The following NXPE2 variants were observed in gnomAD, a reference collection of about 807,000 sequenced individuals.
NXPE2 encodes the protein NXPE family member 2.
A neutral mutation model predicts 34.4 loss-of-function variants in NXPE2; 34 were observed. The observed-to-expected ratio is 0.99, with a 90% CI of 0.75 to 1.31. The LOEUF (loss-of-function observed/expected upper bound fraction) is 1.31, where lower values mean the gene tolerates loss of function less well. Among genes scored for constraint, NXPE2 ranks in the 40% most tolerant of loss-of-function variants. The pLI, the probability that NXPE2 is intolerant of heterozygous loss-of-function variation, is 0.00. For missense variants in NXPE2, 649 were observed against 672.5 expected (o/e 0.97, Z 0.39); for synonymous variants, 235 against 231.3 (o/e 1.02, Z -0.15).
At chr11:114,796,494 G>T in the NXPE2 span, among the ~76,000 whole-genome samples, 1 of 152,150 alleles carries the variant, frequency 6.6e-6, no homozygotes, top group East Asian at 1.9e-4. Context: ...CTGAGATAAA[G>T]TGGTTAACTG....
At chr11:114,762,993 G>GT in the NXPE2 span, among the ~76,000 whole-genome samples, 1 of 151,980 alleles carries the variant, frequency 6.6e-6, no homozygotes, top group Non-Finnish European at 1.5e-5. Flanking sequence ...CTCCTGACTG[G>GT]TTTTCCTGCT....
chr11:114,614,731 C>G, the NXPE2 span, among the ~76,000 whole-genome samples: 1 of 146,240 alleles, frequency 6.8e-6, no homozygotes, highest in African/African-American at 2.5e-5. Flanking sequence ...TTGCCTCCTG[C>G]GTAACCAGTG....
At chr11:114,536,544 TAAA>T in the NXPE2 span, among the ~76,000 whole-genome samples, 4 of 151,468 alleles carry the variant, frequency 2.6e-5, no homozygotes, top group Non-Finnish European at 4.4e-5. Flanking sequence ...GCAAGACTAA[TAAA>T]GAAGAAAAGA....
chr11:114,561,115 A>T, the NXPE2 span, among the ~76,000 whole-genome samples: 1 of 152,226 alleles, frequency 6.6e-6, no homozygotes, highest in Admixed American at 6.5e-5. Flanking sequence ...CTGGATGCCC[A>T]GACCCTGTGC....
At chr11:114,680,911 ACC>A (rs1346238187) in intron 2 of NXPE2, among the ~76,000 whole-genome samples, 1 of 152,122 alleles carries the variant, frequency 6.6e-6, no homozygotes, top group African/African-American at 2.4e-5. Flanking sequence ...AAACACACAC[ACC>A]AAATTTATCA....
At chr11:114,536,427 A>G in the NXPE2 span, among the ~76,000 whole-genome samples, 4 of 152,372 alleles carry the variant, frequency 2.6e-5, no homozygotes, top group South Asian at 6.2e-4. Context: ...AGAAATAACT[A>G]AGATCAGAGC....
At chr11:114,772,168 A>G in the NXPE2 span, among the ~76,000 whole-genome samples, 23 of 152,234 alleles carry the variant, frequency 1.5e-4, no homozygotes, top group African/African-American at 2.7e-4. Context: ...CTTTCCAAAG[A>G]TAGCGTGAAC....
the NXPE2 span, among the ~76,000 whole-genome samples, chr11:114,643,104 GTTGT>G: frequency 1.1e-4 from 16 of 152,060 alleles, no homozygotes; most frequent in East Asian, 3.8e-4. Context: ...TTTTGATGGG[GTTGT>G]TTGTTTTTTT....
the NXPE2 span, among the ~76,000 whole-genome samples, chr11:114,609,614 G>A: frequency 6.9e-6 from 1 of 144,788 alleles, no homozygotes; most frequent in African/African-American, 2.6e-5. Context: ...TCGTGGGTAG[G>A]CATGCTTACC....
At chr11:114,576,975 TTATA>T in the NXPE2 span, among the ~76,000 whole-genome samples, 27 of 128,162 alleles carry the variant, frequency 2.1e-4, no homozygotes, top group African/African-American at 8.3e-4. Context: ...AAGAAGATGT[TTATA>T]TATATATATA....
the NXPE2 span, among the ~76,000 whole-genome samples, chr11:114,603,679 C>T: frequency 5.9e-5 from 9 of 151,374 alleles, no homozygotes; most frequent in Admixed American, 2.0e-4. Flanking sequence ...TCTTGGGTAA[C>T]TCCTATTACC....
At chr11:114,478,400 T>C in the NXPE2 span, among the ~76,000 whole-genome samples, 10 of 152,194 alleles carry the variant, frequency 6.6e-5, no homozygotes, top group African/African-American at 2.4e-4. Flanking sequence ...TGAAAAGATT[T>C]ACAGACATCT....
chr11:114,523,232 CT>C, the NXPE2 span: 4 of 631,748 alleles, frequency 6.3e-6, no homozygotes, highest in South Asian at 8.1e-5. Flanking sequence ...TAGTCCTATT[CT>C]TTGATCATTA....
At chr11:114,771,881 A>T in the NXPE2 span, among the ~76,000 whole-genome samples, 3 of 152,232 alleles carry the variant, frequency 2.0e-5, no homozygotes, top group Admixed American at 6.5e-5. Flanking sequence ...TGGTCATTAG[A>T]TCTAATTAAA....
the NXPE2 span, among the ~76,000 whole-genome samples, chr11:114,721,898 A>C: frequency 6.6e-6 from 1 of 152,146 alleles, no homozygotes; most frequent in Non-Finnish European, 1.5e-5. Flanking sequence ...GAACAGGGGA[A>C]TGTAAGTGGA....
At chr11:114,791,247 G>A in the NXPE2 span, among the ~76,000 whole-genome samples, 1 of 151,966 alleles carries the variant, frequency 6.6e-6, no homozygotes, top group Non-Finnish European at 1.5e-5. Flanking sequence ...GTTCCCATGT[G>A]TTCTTACAGA....
At chr11:114,663,667 C>CTATTT in the NXPE2 span, among the ~76,000 whole-genome samples, 2 of 84,568 alleles carry the variant, frequency 2.4e-5, no homozygotes, top group South Asian at 9.1e-4. Flanking sequence ...ATTTATCTAT[C>CTATTT]ATCTATCTAT....
the NXPE2 span, among the ~76,000 whole-genome samples, chr11:114,473,859 G>A: frequency 6.6e-6 from 1 of 152,042 alleles, no homozygotes; most frequent in African/African-American, 2.4e-5. Flanking sequence ...CTTTTTCATG[G>A]CTCGGTTTCT....
At chr11:114,566,316 A>T in the NXPE2 span, among the ~76,000 whole-genome samples, 23 of 152,286 alleles carry the variant, frequency 1.5e-4, no homozygotes, top group Admixed American at 1.0e-3. Flanking sequence ...CTCCAACTTT[A>T]GAGGCCAAGC....
Sources: gnomAD v4.1 joint callset for allele counts (sites outside exome capture counted in the v4.1 genomes callset) on GRCh38, gnomAD v4.1.1 for gene constraint, MANE v1.5 for transcripts, NCBI Gene and HGNC (gene_info 2026-07-23, HGNC 2026-07-21) for gene names.